Variants in MDGA2 observed in about 807,000 individuals in gnomAD.
MDGA2 encodes MAM domain-containing glycosylphosphatidylinositol anchor protein 2.
MDGA2 carries 40 observed loss-of-function variants against 117.8 expected under a neutral mutation model. The ratio of observed to expected loss-of-function variants is 0.34; its 90% CI spans 0.26 to 0.44. The LOEUF (loss-of-function observed/expected upper bound fraction) is 0.44. Among genes scored for constraint, MDGA2 ranks in the 20% least tolerant of loss-of-function variants. The pLI is 1.00. For synonymous variants in MDGA2, 452 were observed against 439.0 expected (o/e 1.03, Z -0.37); for missense variants, 1,123 against 1,250.6 (o/e 0.90, Z 1.54).
intron 1 of MDGA2, among the ~76,000 whole-genome samples, chr14:47,529,292 T>C (rs9323141): frequency 0.42 from 64,495 of 152,032 alleles, 14,367 homozygotes; most frequent in East Asian, 0.61. Flanking sequence ...AGATATCAAC[T>C]CTATCCTTTC....
intron 3 of MDGA2, among the ~76,000 whole-genome samples, chr14:47,196,444 A>C (rs932310923): frequency 5.9e-5 from 9 of 152,178 alleles, no homozygotes; most frequent in African/African-American, 2.2e-4. Context: ...TTTAAGTACT[A>C]GCTGCTTCCT....
intron 1 of MDGA2, among the ~76,000 whole-genome samples, chr14:47,616,244 G>A (rs970904821): frequency 3.9e-5 from 6 of 152,140 alleles, no homozygotes; most frequent in East Asian, 1.9e-4. Flanking sequence ...CCTCTGATAC[G>A]CTGCTAAAAT....
intron 1 of MDGA2, among the ~76,000 whole-genome samples, chr14:47,357,512 G>T (rs949715548): frequency 7.2e-5 from 11 of 152,164 alleles, no homozygotes; most frequent in African/African-American, 2.7e-4. Flanking sequence ...TTGCACCTGG[G>T]TAAGCACCTC....
chr14:47,000,371 A>ATATT (rs1887468432), intron 8 of MDGA2, among the ~76,000 whole-genome samples: 5 of 90,378 alleles, frequency 5.5e-5, no homozygotes, highest in African/African-American at 2.5e-4. Context: ...ATATGTATAT[A>ATATT]TATATTTATA....
chr14:46,933,895 T>C (rs868426443), intron 9 of MDGA2, among the ~76,000 whole-genome samples: 6 of 131,414 alleles, frequency 4.6e-5, no homozygotes, highest in South Asian at 2.6e-4. Context: ...ATTTAACAGA[T>C]AAATACTGTT....
At chr14:47,302,029 G>C (rs1033976978) in intron 1 of MDGA2, among the ~76,000 whole-genome samples, 1 of 152,052 alleles carries the variant, frequency 6.6e-6, no homozygotes, top group Admixed American at 6.6e-5. Flanking sequence ...AAGATGATTT[G>C]GTTTTCAGGA....
intron 6 of MDGA2, among the ~76,000 whole-genome samples, chr14:47,065,429 G>A (rs965033758): frequency 1.3e-5 from 2 of 152,224 alleles, no homozygotes; most frequent in African/African-American, 4.8e-5. Context: ...GTCCATGCCT[G>A]TGAATGTGAA....
At chr14:47,391,596 T>A (rs185907067) in intron 1 of MDGA2, among the ~76,000 whole-genome samples, 8 of 152,314 alleles carry the variant, frequency 5.3e-5, no homozygotes, top group Admixed American at 5.2e-4. Flanking sequence ...GGTATGCATA[T>A]AAATATAACA....
At chr14:47,560,410 T>A (rs893967390) in intron 1 of MDGA2, among the ~76,000 whole-genome samples, 7 of 152,222 alleles carry the variant, frequency 4.6e-5, no homozygotes, top group African/African-American at 1.7e-4. Context: ...CTGACTGTTG[T>A]GAGGTGGTAT....
intron 2 of MDGA2, among the ~76,000 whole-genome samples, chr14:47,259,643 G>C (rs1334580015): frequency 1.3e-5 from 2 of 152,002 alleles, no homozygotes; most frequent in Admixed American, 1.3e-4. Flanking sequence ...TACACATGTA[G>C]CACTATACTA....
intron 9 of MDGA2, among the ~76,000 whole-genome samples, chr14:46,934,595 A>T (rs2138560574): frequency 6.6e-6 from 1 of 152,246 alleles, no homozygotes; most frequent in African/African-American, 2.4e-5. Context: ...TGTCAGAAGG[A>T]AGAGAAGTTG....
At chr14:47,112,895 C>T (rs1255965929) in intron 5 of MDGA2, among the ~76,000 whole-genome samples, 1 of 152,172 alleles carries the variant, frequency 6.6e-6, no homozygotes, top group African/African-American at 2.4e-5. Flanking sequence ...CACAGCCTCA[C>T]CAGCATTGGT....
At chr14:47,121,535 TAAGA>T (rs747508552) in intron 5 of MDGA2, among the ~76,000 whole-genome samples, 42 of 152,176 alleles carry the variant, frequency 2.8e-4, no homozygotes, top group African/African-American at 8.4e-4. Context: ...TTTCACTAAA[TAAGA>T]AAGAAAAAGG....
chr14:47,345,407 T>C (rs1040210044), intron 1 of MDGA2, among the ~76,000 whole-genome samples: 7 of 152,158 alleles, frequency 4.6e-5, no homozygotes, highest in African/African-American at 1.7e-4. Context: ...ATATTCTTTA[T>C]GCAAATAAAT....
chr14:47,288,077 A>G (rs903215124), intron 2 of MDGA2, among the ~76,000 whole-genome samples: 1 of 152,146 alleles, frequency 6.6e-6, no homozygotes, highest in African/African-American at 2.4e-5. Context: ...TTCCTGTTTT[A>G]AGCACTTTCT....
chr14:47,110,425 G>C (rs150248110), intron 5 of MDGA2, among the ~76,000 whole-genome samples: 1 of 152,222 alleles, frequency 6.6e-6, no homozygotes, highest in Non-Finnish European at 1.5e-5. Flanking sequence ...TCACCTCTAA[G>C]ACCATCTGGT....
At chr14:46,952,013 G>C (rs1885387239) in intron 9 of MDGA2, among the ~76,000 whole-genome samples, 2 of 151,710 alleles carry the variant, frequency 1.3e-5, no homozygotes, top group Non-Finnish European at 2.9e-5. Context: ...AATGTCCGTG[G>C]CTCTGAAAAA....
chr14:47,266,785 C>T (rs891047326), intron 2 of MDGA2, among the ~76,000 whole-genome samples: 9 of 152,296 alleles, frequency 5.9e-5, no homozygotes, highest in Admixed American at 4.6e-4. Flanking sequence ...TCCTACTCTT[C>T]TCCAACACTT....
At chr14:47,591,767 T>C (rs1329270298) in intron 1 of MDGA2, among the ~76,000 whole-genome samples, 1 of 152,156 alleles carries the variant, frequency 6.6e-6, no homozygotes, top group Admixed American at 6.6e-5. Context: ...AAACTAGGCA[T>C]TGATGTAACA....
Sources: allele counts gnomAD v4.1 joint callset (sites outside exome capture counted in the v4.1 genomes callset), GRCh38; gene constraint gnomAD v4.1.1; transcripts MANE v1.5; gene names NCBI Gene and HGNC (gene_info 2026-07-23, HGNC 2026-07-21).